Variants in MYO7B observed in about 807,000 individuals in gnomAD.
MYO7B encodes the protein unconventional myosin-VIIb.
In MYO7B, 212 loss-of-function variants were observed where a neutral mutation model predicts 259.7. That is an observed-to-expected ratio of 0.82 (90% CI 0.73 to 0.91). The LOEUF (loss-of-function observed/expected upper bound fraction) is 0.91, where lower values mean the gene tolerates loss of function less well. MYO7B is among the 40% of genes least tolerant of loss of function. MYO7B has a pLI of 0.00. For missense variants in MYO7B, 2,732 were observed against 2,813.5 expected, an observed-to-expected ratio of 0.97 and a Z score of 0.66; for synonymous variants, 1,197 against 1,166.4, an observed-to-expected ratio of 1.03 and a Z score of -0.54.
intron 16 of MYO7B, among the ~76,000 whole-genome samples, chr2:127,591,490 A>G (rs538585109): frequency 5.3e-5 from 8 of 152,344 alleles, no homozygotes; most frequent in African/African-American, 1.9e-4. Context: ...CCTATGCCTC[A>G]GCACCTCATC....
intron 5 of MYO7B, among the ~76,000 whole-genome samples, chr2:127,568,895 G>A (rs1283228336): frequency 4.9e-5 from 7 of 143,736 alleles, no homozygotes; most frequent in East Asian, 2.1e-4. Context: ...GCAAGACTCC[G>A]TCTCAAAAAA....
chr2:127,558,880 G>A (rs1045737611), intron 1 of MYO7B, among the ~76,000 whole-genome samples: 10 of 152,270 alleles, frequency 6.6e-5, no homozygotes, highest in South Asian at 4.1e-4. Context: ...ATGGACTTTG[G>A]GGACTCGGGG....
intron 2 of MYO7B, among the ~76,000 whole-genome samples, chr2:127,561,069 G>A (rs1425489497): frequency 6.6e-6 from 1 of 152,098 alleles, no homozygotes; most frequent in Non-Finnish European, 1.5e-5. Flanking sequence ...CTCCACTTTG[G>A]AGCATGATGT....
rs1476591240 is a variant in MYO7B, at chr2:127,580,776, A to G, written c.1034A>G (p.Asp345Gly). The G allele has an allele frequency of 6.2e-7, 1 of 1,613,568 alleles. No individual in the cohort carries two copies. Among genetic ancestry groups the G allele is most frequent in the Admixed American group, 1.7e-5 (1 of 59,978 alleles). Residue 345 changes from aspartate (D) to glycine (G), a missense_variant, in exon 10 of 48, where the codon GAC becomes GGC. This residue lies in a region of MYO7B where 1,906 missense variants were observed against 2,026.4 expected (regional missense o/e 0.94). Coordinates refer to ENST00000409816, the MANE Select transcript of MYO7B (RefSeq NM_001393586.1). ...GTCTTCGAGAACCTGGACGCCTCAG[A>G]CGTGATGGAGACGCCCGCCTTTCCC... Reference protein sequence around the residue: ...ASVFENLDASDVMETPAFPTV... With the variant: ...ASVFENLDASGVMETPAFPTV...
chr2:127,564,377 G>C (rs552289553), intron 3 of MYO7B, 111 bp downstream of exon 3: 1 of 787,474 alleles, frequency 1.3e-6, no homozygotes, highest in African/African-American at 1.7e-5. Flanking sequence ...CCAAGGCCAA[G>C]TGGGGACCTG....
In MYO7B at chr2:127,612,516, C is replaced by T. The variant is rs1458375812; in HGVS notation, c.3311C>T (p.Pro1104Leu). ...QLNIGEEALE[P>L]DGLGADRPMS... The stretch of plus-strand genomic sequence containing the variant: ...AACATTGGAGAGGAGGCATTGGAGC[C>T]TGATGGCCTTGGTGCAGACCGGCCC... The change falls in exon 26 of 48, where the codon CCT becomes CTT. Residue 1104 changes from proline to leucine, a missense_variant. Physicochemically the swap from Pro to Leu is moderately conservative, Grantham distance 98. Transcript: ENST00000409816. 1.9e-6 allele frequency: 3 copies of T among 1,570,172 alleles called. No individual in the cohort carries two copies. Among genetic ancestry groups the T allele is most frequent in the Non-Finnish European group, 2.6e-6 (3 of 1,157,610 alleles).
chr2:127,566,310 C>T (rs150376799), intron 4 of MYO7B, among the ~76,000 whole-genome samples: 7 of 152,300 alleles, frequency 4.6e-5, no homozygotes, highest in African/African-American at 1.2e-4. Context: ...AAAGCCCCTG[C>T]GGGATGCAGG....
At position 127,576,868 on chromosome 2, in the gene MYO7B, T is replaced by C. The variant is rs1007307310; in HGVS notation, c.849+160T>C. 2.0e-5 allele frequency among the ~76,000 whole-genome samples: 3 copies of C among 152,070 alleles called. No individual in the cohort carries two copies. The highest frequency in any genetic ancestry group is 2.9e-5 in the Non-Finnish European group (2 of 67,986). On this transcript the variant is annotated intron_variant, in intron 8 of 47. Transcript: ENST00000409816. The surrounding 1 kb of genome is among the most constrained non-coding windows in gnomAD (Gnocchi z 4.9). ...CCTCTCCTCGCCAGCCCCTCTCTGC[T>C]GGGAATCACCTTGCCCGCGTGCCTC...
intron 37 of MYO7B, 77 bp from the exon 38 acceptor site, chr2:127,631,523 G>T (rs959296503): frequency 1.9e-6 from 3 of 1,551,888 alleles, no homozygotes; most frequent in African/African-American, 1.4e-5. Context: ...CCGCAGGGCC[G>T]GGGTCGGGGT....
chr2:127,569,144 G>A (rs181023385), intron 5 of MYO7B, among the ~76,000 whole-genome samples: 47 of 142,112 alleles, frequency 3.3e-4, no homozygotes, highest in African/African-American at 1.3e-3. Flanking sequence ...GGAGGTGGAG[G>A]TTGCAGTGAG....
Position 127,607,212 on chromosome 2 carries a change from G to C in MYO7B, c.2431G>C (p.Val811Leu), listed in dbSNP as rs201386852. Residue 811 changes from valine to leucine, a missense_variant, in exon 21 of 48, where the codon GTG becomes CTG. Val to Leu is a conservative substitution (Grantham distance 32, BLOSUM62 1). This residue lies in a region of MYO7B where 1,906 missense variants were observed against 2,026.4 expected (regional missense o/e 0.94). Coordinates refer to ENST00000409816, the MANE Select transcript of MYO7B (RefSeq NM_001393586.1). This position sits in a 1 kb window ranked among gnomAD's most constrained non-coding sequence, Gnocchi z 4.4. ...CNRRNFKLIL[V>L]GFERLQAIAR... is the part of the protein sequence containing the mutation. ...CTCTCTCTTGCCTCCGCAGATCCTC[G>C]TGGGCTTTGAGCGCCTGCAGGCTAT... The C allele has an allele frequency of 1.7e-4, 270 of 1,548,398 alleles. 1 individual carries two copies. The African/African-American group carries it at 3.5e-3, about 20-fold the overall frequency.
Position 127,607,485 on chromosome 2 carries a change from C to G in MYO7B, c.2643+61C>G, listed in dbSNP as rs1680202078. 6.9e-7 allele frequency: 1 copy of G among 1,447,362 alleles called. No homozygotes were observed. Among genetic ancestry groups the G allele is most frequent in the Non-Finnish European group, 9.4e-7 (1 of 1,060,668 alleles). The allele number at this position is 1,447,362 out of a possible 1,614,324, so 89.7% of individuals were successfully genotyped here. A position where few individuals can be genotyped will look rare whatever the true frequency, so the allele number is the denominator to read the frequency against. The stretch of plus-strand genomic sequence containing the variant: ...TGGCTGGGGCCCCAGTGGGTGAGGG[C>G]AAGAAGGAGTGAGCGGCTGTGTAGA... On this transcript the variant is annotated intron_variant, in intron 21 of 47. Transcript: ENST00000409816. This position sits in a 1 kb window ranked among gnomAD's most constrained non-coding sequence, Gnocchi z 4.4.
chr2:127,584,479 C>G lies in MYO7B; in HGVS notation c.1554+147C>G. 1 of 897,382 alleles carries G rather than the reference C, an allele frequency of 1.1e-6. No homozygotes were observed. The highest frequency in any genetic ancestry group is 1.7e-6 in the Non-Finnish European group (1 of 599,838). The allele number at this position is 897,382 out of a possible 1,614,324, so 55.6% of individuals were successfully genotyped here. Reference sequence around the variant, plus strand: ...ATAAGCAGAAGAGCCTCAGTCTAACCAGACAGACCCTCCTCTCCAAGGCCC... The same window carrying G: ...ATAAGCAGAAGAGCCTCAGTCTAACGAGACAGACCCTCCTCTCCAAGGCCC... On this transcript the variant is annotated intron_variant, in intron 13 of 47. Coordinates refer to ENST00000409816, the MANE Select transcript of MYO7B (RefSeq NM_001393586.1). This position sits in a 1 kb window ranked among gnomAD's most constrained non-coding sequence, Gnocchi z 5.8.
chr2:127,554,576 T>G (rs1167670418), intron 1 of MYO7B, among the ~76,000 whole-genome samples: 2 of 152,226 alleles, frequency 1.3e-5, no homozygotes, highest in African/African-American at 2.4e-5. Flanking sequence ...GTTTTGATAT[T>G]AGGGTGATAA....
At chr2:127,545,577 G>C (rs1693197206) in intron 1 of MYO7B, among the ~76,000 whole-genome samples, 2 of 152,230 alleles carry the variant, frequency 1.3e-5, no homozygotes, top group African/African-American at 4.8e-5. Context: ...GGCTCTGCTG[G>C]GAGCAGTTCC....
At chr2:127,595,572 T>G (rs748242129) in intron 18 of MYO7B, among the ~76,000 whole-genome samples, 5 of 152,204 alleles carry the variant, frequency 3.3e-5, no homozygotes, top group Non-Finnish European at 5.9e-5. Flanking sequence ...GGGCGTCAAT[T>G]TGAGATCTTT....
chr2:127,567,638 G>A (rs551354271), intron 5 of MYO7B, among the ~76,000 whole-genome samples: 59 of 152,282 alleles, frequency 3.9e-4, no homozygotes, highest in African/African-American at 1.1e-3. Context: ...AGTCCATGGC[G>A]TGGATGACAT....
At chr2:127,605,230 G>C (rs1680118709) in intron 19 of MYO7B, among the ~76,000 whole-genome samples, 1 of 152,206 alleles carries the variant, frequency 6.6e-6, no homozygotes, top group South Asian at 2.1e-4. Flanking sequence ...TAAAAATGCG[G>C]AAGTAAGTTT....
At chr2:127,593,419 TG>T in intron 17 of MYO7B, 126 bp from the exon 18 acceptor site, 1 of 875,604 alleles carries the variant, frequency 1.1e-6, no homozygotes, top group Non-Finnish European at 1.8e-6. Flanking sequence ...TGCCTGTGCC[TG>T]GGCGGGGGTG....
Sources: allele counts gnomAD v4.1 joint callset (sites outside exome capture counted in the v4.1 genomes callset), GRCh38; gene constraint gnomAD v4.1.1; regional missense constraint gnomAD v4.1.1; non-coding constraint Gnocchi (gnomAD v3.1); transcripts MANE v1.5; gene names NCBI Gene and HGNC (gene_info 2026-07-23, HGNC 2026-07-21).